The following SEMA6D variants were observed in gnomAD, a reference collection of about 807,000 sequenced individuals.
SEMA6D encodes the protein semaphorin-6D.
In SEMA6D, 35 loss-of-function variants were observed where a neutral mutation model predicts 106.6. That is an observed-to-expected ratio of 0.33 (90% CI 0.25 to 0.44). The LOEUF is 0.44. Ranked by LOEUF, SEMA6D falls within the 20% of genes least tolerant of loss-of-function variation. The pLI is 1.00. For synonymous variants in SEMA6D, 499 were observed against 487.7 expected (o/e 1.02, Z -0.31); for missense variants, 1,185 against 1,345.9 (o/e 0.88, Z 1.87).
chr15:47,649,707 A>G (rs763907208), intron 4 of SEMA6D, among the ~76,000 whole-genome samples: 1 of 152,198 alleles, frequency 6.6e-6, no homozygotes, highest in Non-Finnish European at 1.5e-5. Flanking sequence ...GAAAGAAAGA[A>G]AAGAATACAA....
At position 47,579,641 on chromosome 15, in the gene SEMA6D, T is replaced by G. The variant is rs930226172; in HGVS notation, c.-86-21224T>G. Among the ~76,000 whole-genome samples the G allele has an allele frequency of 3.9e-5, 6 of 152,198 alleles. 1 individual carries two copies. Among genetic ancestry groups the G allele is most frequent in the Middle Eastern group, 6.3e-3 (2 of 316 alleles). The stretch of plus-strand genomic sequence containing the variant: ...TTTTCACTGCATTCATTTTGCTTGG[T>G]AAGTGGCATGTGACTACAGTACATA... On this transcript the variant is annotated intron_variant, in intron 3 of 19. Transcript: ENST00000558014.
chr15:47,557,170 G>A (rs913897887), intron 3 of SEMA6D, among the ~76,000 whole-genome samples: 2 of 152,084 alleles, frequency 1.3e-5, no homozygotes, highest in African/African-American at 4.8e-5. Flanking sequence ...AGGAAAGAAG[G>A]CCTAGGGGAA....
chr15:47,607,466 C>T (rs960635782), intron 4 of SEMA6D, among the ~76,000 whole-genome samples: 4 of 152,184 alleles, frequency 2.6e-5, no homozygotes, highest in African/African-American at 7.2e-5. Flanking sequence ...TGTCCCTTTC[C>T]ACCTACCTAC....
intron 1 of SEMA6D, among the ~76,000 whole-genome samples, chr15:47,348,047 A>G (rs1429515081): frequency 4.6e-5 from 7 of 152,156 alleles, no homozygotes; most frequent in Non-Finnish European, 2.9e-5. Flanking sequence ...ATGTAGCTCA[A>G]TAATAATTTT....
At chr15:47,750,180 G>A (rs1258203139) in intron 1 of SEMA6D, among the ~76,000 whole-genome samples, 1 of 152,160 alleles carries the variant, frequency 6.6e-6, no homozygotes, top group Non-Finnish European at 1.5e-5. Flanking sequence ...CTCAAGGTCA[G>A]GGGAATGGCT....
At chr15:47,422,307 A>G (rs898316362) in intron 2 of SEMA6D, among the ~76,000 whole-genome samples, 3 of 151,440 alleles carry the variant, frequency 2.0e-5, no homozygotes, top group South Asian at 2.1e-4. Context: ...CCTAGTAATC[A>G]TCATCTTTAA....
intron 4 of SEMA6D, among the ~76,000 whole-genome samples, chr15:47,695,897 G>A (rs886107937): frequency 4.6e-5 from 7 of 152,040 alleles, no homozygotes; most frequent in Non-Finnish European, 1.0e-4. Flanking sequence ...ACTAAGCATG[G>A]GTTTCACTAA....
intron 2 of SEMA6D, 27 bp downstream of exon 2, chr15:47,759,934 A>G (rs1215775242): frequency 6.7e-7 from 1 of 1,486,460 alleles, no homozygotes. Context: ...ACAGTCTTCT[A>G]TTCTGAGAAG....
intron 1 of SEMA6D, among the ~76,000 whole-genome samples, chr15:47,239,560 T>G (rs574316327): frequency 6.6e-6 from 1 of 152,282 alleles, no homozygotes; most frequent in South Asian, 2.1e-4. Flanking sequence ...TTGAGAAACA[T>G]GAAGATCTGG....
chr15:47,505,766 G>A (rs1305387075), intron 3 of SEMA6D, among the ~76,000 whole-genome samples: 1 of 152,128 alleles, frequency 6.6e-6, no homozygotes, highest in Admixed American at 6.5e-5. Context: ...GCTAATAACT[G>A]GTGACTCAAG....
At chr15:47,310,291 T>C (rs1434439440) in intron 1 of SEMA6D, among the ~76,000 whole-genome samples, 1 of 152,168 alleles carries the variant, frequency 6.6e-6, no homozygotes, top group Non-Finnish European at 1.5e-5. Flanking sequence ...AACTGAAAGA[T>C]AAAAGCAGCC....
At chr15:47,541,978 T>G (rs1180192756) in intron 3 of SEMA6D, among the ~76,000 whole-genome samples, 2 of 152,132 alleles carry the variant, frequency 1.3e-5, no homozygotes, top group Non-Finnish European at 2.9e-5. Flanking sequence ...TTTGAAACAT[T>G]TTCACATTTC....
intron 1 of SEMA6D, among the ~76,000 whole-genome samples, chr15:47,345,814 T>C (rs2038022103): frequency 6.6e-6 from 1 of 152,166 alleles, no homozygotes; most frequent in South Asian, 2.1e-4. Context: ...AACAAATCAG[T>C]GGTTACCTGA....
chr15:47,306,585 C>T (rs1039082230), intron 1 of SEMA6D, among the ~76,000 whole-genome samples: 23 of 152,044 alleles, frequency 1.5e-4, no homozygotes, highest in Non-Finnish European at 3.1e-4. Flanking sequence ...TGTGGTGGCA[C>T]ATGCCTGTAA....
At chr15:47,420,053 G>A (rs967692348) in intron 2 of SEMA6D, among the ~76,000 whole-genome samples, 1 of 152,112 alleles carries the variant, frequency 6.6e-6, no homozygotes, top group Non-Finnish European at 1.5e-5. Context: ...CTGTCAGGTG[G>A]TGATTGACTG....
At chr15:47,225,696 T>C (rs915451038) in intron 1 of SEMA6D, among the ~76,000 whole-genome samples, 12 of 151,846 alleles carry the variant, frequency 7.9e-5, no homozygotes, top group African/African-American at 2.7e-4. Context: ...GCCCGGCTAA[T>C]TTTGTATTTT....
intron 2 of SEMA6D, among the ~76,000 whole-genome samples, chr15:47,425,639 T>G (rs1353865377): frequency 7.9e-5 from 12 of 151,978 alleles, no homozygotes; most frequent in Admixed American, 7.9e-4. Context: ...TGAAATTTGT[T>G]TCACTGTGCC....
chr15:47,755,485 A>G, intron 1 of SEMA6D, among the ~76,000 whole-genome samples: 1 of 152,156 alleles, frequency 6.6e-6, no homozygotes, highest in Non-Finnish European at 1.5e-5. Context: ...ATGTATGTAA[A>G]TAATTGTAGT....
At chr15:47,506,707 G>A (rs971123253) in intron 3 of SEMA6D, among the ~76,000 whole-genome samples, 1 of 152,010 alleles carries the variant, frequency 6.6e-6, no homozygotes, top group Admixed American at 6.6e-5. Flanking sequence ...AGGGATAGAA[G>A]CAGGGTTTAA....
Sources: allele counts gnomAD v4.1 joint callset (sites outside exome capture counted in the v4.1 genomes callset), GRCh38; gene constraint gnomAD v4.1.1; transcripts MANE v1.5; gene names NCBI Gene and HGNC (gene_info 2026-07-23, HGNC 2026-07-21).